The following RANBP17 variants were observed in gnomAD, a reference collection of about 807,000 sequenced individuals.
RANBP17 encodes the protein RAN binding protein 17.
A neutral mutation model predicts 141.2 loss-of-function variants in RANBP17; 158 were observed. The ratio of observed to expected loss-of-function variants is 1.12; its 90% confidence interval spans 0.98 to 1.28. RANBP17 has a LOEUF of 1.28. RANBP17 is among the 50% of genes most tolerant of loss of function. RANBP17 has a pLI of 0.00. For missense variants in RANBP17, 1,438 were observed against 1,290.7 expected (o/e 1.11, Z -1.75); for synonymous variants, 430 against 450.0 (o/e 0.96, Z 0.56).
At position 171,231,131 on chromosome 5, in the gene RANBP17, C is replaced by T. The variant is rs748505909; in HGVS notation, c.2422+9291C>T. Among the ~76,000 whole-genome samples, 467 of 128,956 alleles carry T rather than the reference C, an allele frequency of 3.6e-3. 2 individuals carry two copies. The highest frequency in any genetic ancestry group is 5.0e-3 in the Non-Finnish European group (313 of 62,450). 84.6% of individuals were successfully genotyped at this position (128,956 alleles called of 152,430 possible). On this transcript the variant is annotated intron_variant, in intron 22 of 27. Coordinates refer to ENST00000523189, the MANE Select transcript of RANBP17 (RefSeq NM_022897.5). Reference sequence around the variant, plus strand: ...TTTTTTTTTTTTTGTAATTTTAAGTCGAGATAGGGCCTCACTATGTTGCCC... The same window carrying T: ...TTTTTTTTTTTTTGTAATTTTAAGTTGAGATAGGGCCTCACTATGTTGCCC...
chr5:170,978,237 A>G (rs1341762810), intron 14 of RANBP17, among the ~76,000 whole-genome samples: 1 of 152,132 alleles, frequency 6.6e-6, no homozygotes, highest in African/African-American at 2.4e-5. Context: ...ACACATGATA[A>G]CATTTGTTGC....
intron 14 of RANBP17, among the ~76,000 whole-genome samples, chr5:171,165,419 C>G (rs916442234): frequency 4.6e-5 from 7 of 152,110 alleles, no homozygotes; most frequent in Admixed American, 1.3e-4. Flanking sequence ...CTCAAGCAAT[C>G]CTCCCACCTC....
In RANBP17 at chr5:171,240,925, C is replaced by G. The variant is rs901546830; in HGVS notation, c.2423-3C>G. The G allele has an allele frequency of 9.7e-5, 155 of 1,603,642 alleles. No individual in the cohort carries two copies. The Admixed American group carries it at 2.5e-3, about 26-fold the overall frequency. ...GTCACTTTCTGCTTTTATCCTGAAA[C>G]AGGTAATCAGATCCTGTCCCTTGGG... On this transcript the variant is annotated splice_region_variant and splice_polypyrimidine_tract_variant and intron_variant, in intron 22 of 27. Transcript: ENST00000523189.
At chr5:170,869,394 A>G (rs1475187206) in intron 1 of RANBP17, among the ~76,000 whole-genome samples, 1 of 150,762 alleles carries the variant, frequency 6.6e-6, no homozygotes, top group African/African-American at 2.4e-5. Context: ...CCTGGGCTCA[A>G]GCCTACTGCC....
At chr5:170,888,962 A>C (rs963573833) in intron 3 of RANBP17, among the ~76,000 whole-genome samples, 6 of 152,032 alleles carry the variant, frequency 3.9e-5, no homozygotes, top group Non-Finnish European at 7.4e-5. Flanking sequence ...TTCTGCATCT[A>C]TTTATGTTAT....
At chr5:170,917,810 G>A (rs898544827) in intron 9 of RANBP17, among the ~76,000 whole-genome samples, 8 of 151,962 alleles carry the variant, frequency 5.3e-5, no homozygotes, top group Admixed American at 2.6e-4. Flanking sequence ...ACATCCTTAC[G>A]TTAATGTTTC....
chr5:170,872,517 A>T (rs1295560147), intron 1 of RANBP17, among the ~76,000 whole-genome samples: 1 of 152,110 alleles, frequency 6.6e-6, no homozygotes, highest in Non-Finnish European at 1.5e-5. Context: ...CTTTTGCCAG[A>T]TTGCCCTGGC....
At chr5:170,934,278 C>G (rs1773667582) in intron 12 of RANBP17, among the ~76,000 whole-genome samples, 1 of 152,174 alleles carries the variant, frequency 6.6e-6, no homozygotes, top group South Asian at 2.1e-4. Context: ...AGATCTTCCT[C>G]CATCCCTTTA....
intron 23 of RANBP17, 51 bp from the exon 24 acceptor site, chr5:171,242,631 A>G (rs1325735512): frequency 6.3e-7 from 1 of 1,586,634 alleles, no homozygotes; most frequent in Non-Finnish European, 8.6e-7. Flanking sequence ...GGACTGTAAC[A>G]TGTATTTTTC....
chr5:171,099,224 T>C (rs1453704980), intron 14 of RANBP17, among the ~76,000 whole-genome samples: 2 of 152,230 alleles, frequency 1.3e-5, no homozygotes, highest in Non-Finnish European at 2.9e-5. Flanking sequence ...ATTTTCACAA[T>C]ATTGGTTCTT....
chr5:170,868,942 C>T (rs1163875816), intron 1 of RANBP17, among the ~76,000 whole-genome samples: 1 of 152,146 alleles, frequency 6.6e-6, no homozygotes, highest in African/African-American at 2.4e-5. Flanking sequence ...GGGGAAGGGT[C>T]TTTGTGTGTG....
chr5:171,058,965 G>C (rs1446174892), intron 14 of RANBP17, among the ~76,000 whole-genome samples: 1 of 151,188 alleles, frequency 6.6e-6, no homozygotes, highest in Non-Finnish European at 1.5e-5. Context: ...GTCTTCTTTT[G>C]AGAAGTGTCT....
chr5:170,910,069 C>G (rs1771410020), intron 6 of RANBP17: 2 of 185,358 alleles, frequency 1.1e-5, no homozygotes, highest in Non-Finnish European at 2.2e-5. Context: ...GTTTCTTTAT[C>G]TGCTTGCTTA....
intron 16 of RANBP17, among the ~76,000 whole-genome samples, chr5:171,172,404 A>G (rs1359865395): frequency 6.6e-6 from 1 of 151,732 alleles, no homozygotes; most frequent in African/African-American, 2.4e-5. Context: ...TTGATATTAA[A>G]TCAGAAAAAT....
intron 18 of RANBP17, among the ~76,000 whole-genome samples, chr5:171,191,906 A>G (rs562682172): frequency 6.6e-6 from 1 of 152,344 alleles, no homozygotes; most frequent in East Asian, 1.9e-4. Context: ...GCTTGGGGGC[A>G]GTGAAAGAAA....
intron 3 of RANBP17, among the ~76,000 whole-genome samples, chr5:170,883,487 G>T (rs1180106228): frequency 6.6e-6 from 1 of 152,130 alleles, no homozygotes. Flanking sequence ...TTCACTCTTG[G>T]TGTTGTATTT....
At chr5:171,035,980 C>T (rs79352351) in intron 14 of RANBP17, among the ~76,000 whole-genome samples, 2 of 152,020 alleles carry the variant, frequency 1.3e-5, no homozygotes, top group South Asian at 2.1e-4. Flanking sequence ...TAAATCTCCA[C>T]CTCCCAGTCT....
At chr5:171,203,908 T>G (rs1026022503) in intron 19 of RANBP17, among the ~76,000 whole-genome samples, 1 of 152,144 alleles carries the variant, frequency 6.6e-6, no homozygotes, top group Non-Finnish European at 1.5e-5. Flanking sequence ...ATAGAAACAC[T>G]GCAAAGCCAA....
intron 14 of RANBP17, among the ~76,000 whole-genome samples, chr5:171,071,653 C>CAAAAAAAAAAA (rs34555837): frequency 1.4e-5 from 1 of 69,616 alleles, no homozygotes; most frequent in Non-Finnish European, 2.5e-5. Context: ...CAGCTTTATG[C>CAAAAAAAAAAA]AAAAAAAAAA....
Sources: gnomAD v4.1 joint callset for allele counts (sites outside exome capture counted in the v4.1 genomes callset) on GRCh38, gnomAD v4.1.1 for gene constraint, MANE v1.5 for transcripts, NCBI Gene and HGNC (gene_info 2026-07-23, HGNC 2026-07-21) for gene names.